Variants in POSTN observed in about 807,000 individuals in gnomAD.
POSTN encodes the protein osteoblast specific factor 2 (fasciclin I-like).
In POSTN, 71 loss-of-function variants were observed where a neutral mutation model predicts 104.5. The ratio of observed to expected loss-of-function variants is 0.68; its 90% CI spans 0.56 to 0.83. The LOEUF (loss-of-function observed/expected upper bound fraction) is 0.83, where lower values mean the gene tolerates loss of function less well. Among genes scored for constraint, POSTN ranks in the 40% least tolerant of loss-of-function variants. POSTN has a pLI of 0.00. For missense variants in POSTN, 949 were observed against 1,006.8 expected (o/e 0.94, Z 0.78); for synonymous variants, 355 against 340.7 (o/e 1.04, Z -0.46).
At position 37,592,599 on chromosome 13, in the gene POSTN, A is replaced by T. The variant is rs543049855; in HGVS notation, c.219-435T>A. On this transcript the variant is annotated intron_variant, in intron 2 of 22. Transcript: ENST00000379747. ...AGGCATGAGCCACTGCGCCCGGCCG[A>T]TTTTTTCTATATTTCTATGAGTTTG... is the stretch of plus-strand genomic sequence containing the variant. 7.2e-5 allele frequency among the ~76,000 whole-genome samples: 11 copies of T among 152,002 alleles called. No homozygotes were observed. In the East Asian group the frequency reaches 1.9e-3, roughly 27 times the overall value.
chr13:37,570,892 T>A (rs1950242371), intron 18 of POSTN: 2 of 457,484 alleles, frequency 4.4e-6, no homozygotes, highest in East Asian at 3.6e-5. Context: ...CCATTTGACA[T>A]CCTAACTCTC....
chr13:37,587,043 C>G, intron 5 of POSTN, 115 bp from the exon 6 acceptor site: 1 of 855,532 alleles, frequency 1.2e-6, no homozygotes, highest in South Asian at 1.6e-5. Context: ...ATACAGGAAA[C>G]TACATTGTAA....
At chr13:37,576,123 A>G (rs988460140) in intron 16 of POSTN, among the ~76,000 whole-genome samples, 7 of 152,130 alleles carry the variant, frequency 4.6e-5, no homozygotes, top group Admixed American at 1.3e-4. Flanking sequence ...TCCAGGTCAA[A>G]TGTTCCATAT....
Position 37,589,135 on chromosome 13 carries a change from T to G in POSTN, c.442-1149A>C, listed in dbSNP as rs144400276. 2.0e-3 allele frequency among the ~76,000 whole-genome samples: 311 copies of G among 152,222 alleles called. 1 individual carries two copies. Among genetic ancestry groups the G allele is most frequent in the African/African-American group, 7.1e-3 (293 of 41,540 alleles). On this transcript the variant is annotated intron_variant, in intron 4 of 22. Coordinates refer to ENST00000379747, the MANE Select transcript of POSTN (RefSeq NM_006475.3). ...GCATATGTTTTAGATAACTTTTGTT[T>G]AAAGATGCAGATGGTATATCCAAGG... is the stretch of plus-strand genomic sequence containing the variant.
chr13:37,592,081 C>CA lies in POSTN; in HGVS notation c.283+18dup. On this transcript the variant is annotated intron_variant, in intron 3 of 22. Coordinates refer to ENST00000379747, the MANE Select transcript of POSTN (RefSeq NM_006475.3). ...TTTGCATATAATTCCTTATTTAATT[C>CA]AAAAAATTGAGATTTTACCTGCTGG... 1.9e-6 allele frequency: 3 copies of CA among 1,572,514 alleles called. No homozygotes were observed. The highest frequency in any genetic ancestry group is 2.6e-6 in the Non-Finnish European group (3 of 1,143,580).
At chr13:37,564,187 T>TTACATAA (rs1194514252) in intron 22 of POSTN, among the ~76,000 whole-genome samples, 1 of 59,080 alleles carries the variant, frequency 1.7e-5, no homozygotes, top group Admixed American at 1.6e-4. Flanking sequence ...ATTACATATA[T>TTACATAA]ATATATATAT....
In POSTN at chr13:37,563,269, A is replaced by C; in HGVS notation, c.*64T>G. On this transcript the variant is annotated 3_prime_UTR_variant, in exon 23 of 23. Transcript: ENST00000379747. The stretch of plus-strand genomic sequence containing the variant: ...TTCCTGAAGTCAACTTGGCTCTCAC[A>C]ATTTTCTAAGGTCAGGTTATTGACT... 8.4e-7 allele frequency: 1 copy of C among 1,185,086 alleles called. No homozygotes were observed. Among genetic ancestry groups the C allele is most frequent in the South Asian group, 1.6e-5 (1 of 63,664 alleles). The allele number at this position is 1,185,086 out of a possible 1,614,324, so 73.4% of individuals were successfully genotyped here. A position where few individuals can be genotyped will look rare whatever the true frequency, so the allele number is the denominator to read the frequency against.
At chr13:37,567,072 T>TA (rs992729718) in intron 21 of POSTN, among the ~76,000 whole-genome samples, 18 of 146,646 alleles carry the variant, frequency 1.2e-4, no homozygotes, top group Non-Finnish European at 2.4e-4. Flanking sequence ...CCGTCTCTAC[T>TA]AAAAATACAA....
intron 9 of POSTN, among the ~76,000 whole-genome samples, chr13:37,583,383 CT>C (rs1399266717): frequency 1.6e-4 from 24 of 149,724 alleles, no homozygotes; most frequent in East Asian, 1.2e-3. Context: ...TCAATGCATC[CT>C]TATTGTGCTG....
intron 7 of POSTN, 132 bp downstream of exon 7, chr13:37,586,007 A>G: frequency 1.4e-6 from 1 of 719,200 alleles, no homozygotes; most frequent in Non-Finnish European, 2.2e-6. Flanking sequence ...TGGAAGACAT[A>G]GTACATCTCA....
chr13:37,564,195 TA>T (rs1294759483), intron 22 of POSTN, among the ~76,000 whole-genome samples: 1 of 65,826 alleles, frequency 1.5e-5, no homozygotes, highest in Non-Finnish European at 3.0e-5. Context: ...TATATATATA[TA>T]TATATATATA....
At chr13:37,579,548 C>T (rs557010307) in intron 12 of POSTN, among the ~76,000 whole-genome samples, 189 bp from the exon 13 acceptor site, 1 of 152,212 alleles carries the variant, frequency 6.6e-6, no homozygotes, top group Admixed American at 6.5e-5. Flanking sequence ...AAATAGAACC[C>T]AACTTACTGG....
chr13:37,575,611 A>G (rs1950384749), intron 16 of POSTN, among the ~76,000 whole-genome samples: 1 of 152,144 alleles, frequency 6.6e-6, no homozygotes, highest in Non-Finnish European at 1.5e-5. Flanking sequence ...AGATGGTTCT[A>G]TTAGATAACG....
chr13:37,596,999 T>G (rs905954155), intron 2 of POSTN, among the ~76,000 whole-genome samples, 185 bp downstream of exon 2: 7 of 152,180 alleles, frequency 4.6e-5, no homozygotes, highest in Admixed American at 3.9e-4. Context: ...TGAGTTCTAA[T>G]AGTAATATTG....
chr13:37,582,664 C>T, intron 9 of POSTN, 150 bp from the exon 10 acceptor site: 2 of 675,108 alleles, frequency 3.0e-6, no homozygotes, highest in Non-Finnish European at 2.4e-6. Flanking sequence ...CAACCAAATG[C>T]TAAAAACTAA....
chr13:37,570,902 C>A, intron 18 of POSTN: 1 of 442,628 alleles, frequency 2.3e-6, no homozygotes, highest in Non-Finnish European at 4.1e-6. Flanking sequence ...TCCTAACTCT[C>A]CATGTCATAC....
Position 37,597,265 on chromosome 13 carries a change from A to G in POSTN, c.137T>C (p.Leu46Pro). Residue 46 changes from leucine (L) to proline (P), a missense_variant, in exon 2 of 23, where the codon CTT becomes CCT. Transcript: ENST00000379747. ...CTTTTTGGTGCCCAAAATCTGTTGA[A>G]GGGCACAGACATTTGGGCTGGAGGA... The part of the protein sequence containing the change: ...GRDQGPNVCA[L>P]QQILGTKKKY... 6.3e-7 allele frequency: 1 copy of G among 1,585,700 alleles called. No individual in the cohort carries two copies.
chr13:37,569,281 T>A lies in POSTN; in HGVS notation c.2431+19A>T, dbSNP rs1302973110. ...CACTAGAACCTGTTAAGGGGGTTAGTTGTTGTCCTTTTACTAACCTCCCTG... is the reference window on the plus strand; with the variant it reads ...CACTAGAACCTGTTAAGGGGGTTAGATGTTGTCCTTTTACTAACCTCCCTG... On this transcript the variant is annotated intron_variant, in intron 21 of 22. Transcript: ENST00000379747. The A allele has an allele frequency of 6.3e-7, 1 of 1,579,178 alleles. No homozygotes were observed. The highest frequency in any genetic ancestry group is 2.2e-5 in the East Asian group (1 of 44,590).
At chr13:37,577,880 A>G (rs1950460483) in intron 15 of POSTN, 82 bp from the exon 16 acceptor site, 1 of 1,575,448 alleles carries the variant, frequency 6.3e-7, no homozygotes, top group Admixed American at 1.8e-5. Flanking sequence ...AATTCTTATT[A>G]AAGTAAAAAT....
Sources: gnomAD v4.1 joint callset for allele counts (sites outside exome capture counted in the v4.1 genomes callset) on GRCh38, gnomAD v4.1.1 for gene constraint, MANE v1.5 for transcripts, NCBI Gene and HGNC (gene_info 2026-07-23, HGNC 2026-07-21) for gene names.